The following ARHGEF10L variants were observed in gnomAD, a reference collection of about 807,000 sequenced individuals.
The protein encoded by ARHGEF10L is rho guanine nucleotide exchange factor 10-like protein.
Under a neutral mutation model 141.2 loss-of-function variants are expected in ARHGEF10L, and 69 were observed. That is an observed-to-expected ratio of 0.49 (90% CI 0.40 to 0.60). The LOEUF is 0.60. Among genes scored for constraint, ARHGEF10L ranks in the 20% least tolerant of loss-of-function variants. The pLI, the probability that ARHGEF10L is intolerant of heterozygous loss-of-function variation, is 0.00. For synonymous variants in ARHGEF10L, 711 were observed against 718.5 expected, an observed-to-expected ratio of 0.99 and a Z score of 0.17; for missense variants, 1,482 against 1,734.3, an observed-to-expected ratio of 0.85 and a Z score of 2.58.
At chr1:17,553,673 C>T (rs1392457711) in intron 1 of ARHGEF10L, among the ~76,000 whole-genome samples, 2 of 152,126 alleles carry the variant, frequency 1.3e-5, no homozygotes, top group African/African-American at 4.8e-5. Context: ...CCTGTAGTCC[C>T]AGCTACTCAG....
At chr1:17,633,223 G>A (rs1180468667) in intron 16 of ARHGEF10L, among the ~76,000 whole-genome samples, 1 of 152,202 alleles carries the variant, frequency 6.6e-6, no homozygotes, top group Non-Finnish European at 1.5e-5. Flanking sequence ...TCACCTGCTC[G>A]CATCCCCTGC....
chr1:17,669,056 T>C (rs1229464274), intron 26 of ARHGEF10L, among the ~76,000 whole-genome samples: 1 of 152,180 alleles, frequency 6.6e-6, no homozygotes, highest in Non-Finnish European at 1.5e-5. Flanking sequence ...TCAGCATCTG[T>C]GGGCTGTGCC....
chr1:17,599,879 T>C (rs999685865), intron 4 of ARHGEF10L, among the ~76,000 whole-genome samples: 1 of 152,200 alleles, frequency 6.6e-6, no homozygotes, highest in African/African-American at 2.4e-5. Flanking sequence ...ATTAAATTAC[T>C]TGAAATCAAA....
At chr1:17,651,297 G>T (rs1421799029) in intron 22 of ARHGEF10L, among the ~76,000 whole-genome samples, 1 of 152,178 alleles carries the variant, frequency 6.6e-6, no homozygotes, top group Non-Finnish European at 1.5e-5. Context: ...GGTGGGACAG[G>T]CTTAACTGGT....
intron 15 of ARHGEF10L, among the ~76,000 whole-genome samples, chr1:17,629,235 C>T (rs907915372): frequency 4.0e-5 from 6 of 151,604 alleles, no homozygotes; most frequent in African/African-American, 1.5e-4. Flanking sequence ...CTATGATGCC[C>T]AGGCTGGTCT....
At chr1:17,635,403 G>A (rs918627808) in intron 18 of ARHGEF10L, among the ~76,000 whole-genome samples, 6 of 152,236 alleles carry the variant, frequency 3.9e-5, no homozygotes, top group East Asian at 1.9e-4. Context: ...ACGTCATCCC[G>A]CCCCAGTGGC....
the ARHGEF10L span, among the ~76,000 whole-genome samples, chr1:17,524,563 C>A: frequency 6.6e-6 from 1 of 152,046 alleles, no homozygotes; most frequent in Admixed American, 6.6e-5. Flanking sequence ...CAGAGTGAGA[C>A]ACTGTCTCAA....
At chr1:17,600,975 G>A (rs905321303) in intron 4 of ARHGEF10L, among the ~76,000 whole-genome samples, 4 of 151,044 alleles carry the variant, frequency 2.6e-5, no homozygotes, top group African/African-American at 9.8e-5. Context: ...GCTTGAACCC[G>A]GGAGGCAGAG....
chr1:17,662,205 A>G (rs987974137), intron 25 of ARHGEF10L, among the ~76,000 whole-genome samples: 14 of 152,086 alleles, frequency 9.2e-5, no homozygotes, highest in African/African-American at 3.4e-4. Context: ...TCTACCACAC[A>G]TGCTTGTTGG....
At position 17,558,963 on chromosome 1, in the gene ARHGEF10L, T is replaced by TGAAA. The variant is rs2077445875; in HGVS notation, c.-44+19015_-44+19018dup. 6.6e-6 allele frequency among the ~76,000 whole-genome samples: 1 copy of TGAAA among 151,646 alleles called. No homozygotes were observed. The highest frequency in any genetic ancestry group is 2.4e-5 in the African/African-American group (1 of 41,212). On this transcript the variant is annotated intron_variant, in intron 1 of 28. Coordinates refer to ENST00000361221, the MANE Select transcript of ARHGEF10L (RefSeq NM_018125.4). The surrounding 1 kb of genome is among the most constrained non-coding windows in gnomAD (Gnocchi z 4.2). ...GTGTAGATTGGAGCCTTTGCATTCA[T>TGAAA]GAAAGCTGATGACTCCTTTCCACCA...
intron 27 of ARHGEF10L, among the ~76,000 whole-genome samples, chr1:17,690,326 C>T (rs1294935143): frequency 2.0e-5 from 3 of 152,248 alleles, no homozygotes; most frequent in Non-Finnish European, 4.4e-5. Flanking sequence ...ACTCAGAGCA[C>T]CAGCTTCCCA....
upstream of ARHGEF10L, among the ~76,000 whole-genome samples, chr1:17,536,508 G>A (rs1017741037): frequency 1.3e-5 from 2 of 152,180 alleles, no homozygotes; most frequent in African/African-American, 4.8e-5. Flanking sequence ...TGCTTCTGGG[G>A]AAGTGAGAGT....
At chr1:17,585,921 C>A (rs1205841074) in intron 2 of ARHGEF10L, among the ~76,000 whole-genome samples, 1 of 152,184 alleles carries the variant, frequency 6.6e-6, no homozygotes, top group Non-Finnish European at 1.5e-5. Flanking sequence ...CTGTTGTTGT[C>A]ATAATCCTTA....
rs1483489509 is a variant in ARHGEF10L, at chr1:17,567,834, T to C, written c.-43-12719T>C. ...GAATTGGAATGTCTCTTTGGCACCA[T>C]GCACAGAGCTTGGTCATTGCTGCAT... On this transcript the variant is annotated intron_variant, in intron 1 of 28. Transcript: ENST00000361221. 2.0e-5 allele frequency among the ~76,000 whole-genome samples: 3 copies of C among 152,244 alleles called. No individual in the cohort carries two copies. The South Asian group carries it at 6.2e-4, about 31-fold the overall frequency.
chr1:17,518,208 T>C, the ARHGEF10L span, among the ~76,000 whole-genome samples: 1 of 152,206 alleles, frequency 6.6e-6, no homozygotes, highest in Non-Finnish European at 1.5e-5. Flanking sequence ...CATAGTTTGC[T>C]GGACCCCAGT....
In ARHGEF10L at chr1:17,588,880, G is replaced by GTGTGTGTGTGTC. The variant is rs1553181483; in HGVS notation, c.257+412_257+413insCTGTGTGTGTGT. On this transcript the variant is annotated intron_variant, in intron 4 of 28. Coordinates refer to ENST00000361221, the MANE Select transcript of ARHGEF10L (RefSeq NM_018125.4). ...TGTGTGTGTGTGTGTGTGTGTGTGT[G>GTGTGTGTGTGTC]TGTGTGTGTGTGTGTGTGTAGTGGG... 7.6e-3 allele frequency among the ~76,000 whole-genome samples: 569 copies of GTGTGTGTGTGTC among 74,520 alleles called. 31 individuals carry two copies. Among genetic ancestry groups the GTGTGTGTGTGTC allele is most frequent in the African/African-American group, 0.034 (499 of 14,754 alleles). 48.9% of individuals were successfully genotyped at this position (74,520 alleles called of 152,430 possible).
At chr1:17,529,227 T>C in the ARHGEF10L span, among the ~76,000 whole-genome samples, 7 of 152,220 alleles carry the variant, frequency 4.6e-5, no homozygotes, top group Non-Finnish European at 8.8e-5. Flanking sequence ...AGTCTTGAAC[T>C]CCTGACCTCA....
In ARHGEF10L at chr1:17,602,713, T is replaced by C. The variant is rs147805152; in HGVS notation, c.349+495T>C. ...TGGGGGAGCGTTATGGGGTGAGGTGTGGCTGCGGGCCCTGCAGCTCCTCAG... is the reference window on the plus strand; with the variant it reads ...TGGGGGAGCGTTATGGGGTGAGGTGCGGCTGCGGGCCCTGCAGCTCCTCAG... On this transcript the variant is annotated intron_variant, in intron 5 of 28. Coordinates refer to ENST00000361221, the MANE Select transcript of ARHGEF10L (RefSeq NM_018125.4). Among the ~76,000 whole-genome samples, 721 of 152,116 alleles carry C rather than the reference T, an allele frequency of 4.7e-3. 7 individuals are homozygous for C. The highest frequency in any genetic ancestry group is 0.017 in the African/African-American group (700 of 41,524).
At chr1:17,661,970 C>T (rs1157011613) in intron 25 of ARHGEF10L, among the ~76,000 whole-genome samples, 1 of 152,198 alleles carries the variant, frequency 6.6e-6, no homozygotes, top group Non-Finnish European at 1.5e-5. Context: ...TCTGGCCTGT[C>T]ACCCCTTGGG....
Sources: gnomAD v4.1 joint callset for allele counts (sites outside exome capture counted in the v4.1 genomes callset) on GRCh38, gnomAD v4.1.1 for gene constraint, Gnocchi (gnomAD v3.1) non-coding constraint, MANE v1.5 for transcripts, NCBI Gene and HGNC (gene_info 2026-07-23, HGNC 2026-07-21) for gene names.